The following GNAS variants were observed in gnomAD, a reference collection of about 807,000 sequenced individuals.
GNAS encodes the protein GNAS complex locus, also known as protein ALEX.
GNAS carries 8 observed loss-of-function variants against 54.5 expected under a neutral mutation model. The ratio of observed to expected loss-of-function variants is 0.15; its 90% CI spans 0.09 to 0.26. The LOEUF (loss-of-function observed/expected upper bound fraction) is 0.26, where lower values mean the gene tolerates loss of function less well. GNAS is among the 10% of genes least tolerant of loss of function. The probability of loss-of-function intolerance (pLI) is 1.00; values close to 1 mark genes in which losing one functional copy is unlikely to be tolerated. For synonymous variants in GNAS, 204 were observed against 191.4 expected (o/e 1.07, Z -0.54); for missense variants, 170 against 529.8 (o/e 0.32, Z 6.67).
chr20:58,892,029 G>C (rs2089440949), intron 1 of GNAS, 164 bp downstream of exon 1: 3 of 857,588 alleles, frequency 3.5e-6, no homozygotes, highest in Non-Finnish European at 4.2e-6. Flanking sequence ...GGGGACCCAG[G>C]GGCGCGGATT....
upstream of GNAS, among the ~76,000 whole-genome samples, chr20:58,890,223 G>A (rs9679845): frequency 0.042 from 6,355 of 151,448 alleles, 167 homozygotes; most frequent in Middle Eastern, 0.082. Context: ...GAAGGTGCCA[G>A]AAGCCCAGGA....
upstream of GNAS, chr20:58,888,956 C>T: frequency 4.4e-6 from 2 of 452,220 alleles, no homozygotes; most frequent in Non-Finnish European, 5.8e-6. Context: ...GCGCCCGCGC[C>T]CCCCGCCATC....
intron 1 of GNAS, among the ~76,000 whole-genome samples, chr20:58,865,565 G>A (rs75501060): frequency 2.7e-5 from 4 of 145,472 alleles, no homozygotes; most frequent in Non-Finnish European, 4.5e-5. Context: ...CCAGAGAAAA[G>A]TTTGTCCACT....
At chr20:58,905,927 T>A (rs999336341) in intron 6 of GNAS, among the ~76,000 whole-genome samples, 2 of 152,220 alleles carry the variant, frequency 1.3e-5, no homozygotes, top group Non-Finnish European at 2.9e-5. Context: ...TGTTGATTGA[T>A]CTATTTCTGC....
rs575623277 is a variant in GNAS at position 58,841,970 on chromosome 20, C to G, written c.43+1084C>G. The G allele has an allele frequency of 2.1e-5, 23 of 1,084,688 alleles. No individual in the cohort carries two copies. The East Asian group carries it at 7.4e-4, about 35-fold the overall frequency. The allele number at this position is 1,084,688 out of a possible 1,614,324, so 67.2% of individuals were successfully genotyped here. ...TCCAAAGAGCGCGGTACGCGCAGAG[C>G]TGGGGAAAGGTGTTGGATCCGGCGC... On this transcript the variant is annotated intron_variant, in intron 1 of 12. Coordinates refer to the GNAS transcript ENST00000306090. The surrounding 1 kb of genome is among the most constrained non-coding windows in gnomAD (Gnocchi z 5.0).
At chr20:58,858,822 A>T (rs2086629035) in intron 1 of GNAS, among the ~76,000 whole-genome samples, 1 of 151,508 alleles carries the variant, frequency 6.6e-6, no homozygotes, top group Admixed American at 6.6e-5. Flanking sequence ...ACATACAGCC[A>T]TTTTTTTATA....
In GNAS at chr20:58,841,777, G is replaced by T; in HGVS notation, c.43+891G>T. ...GGGGTATTGCCAAGCTTTTGGCGCA[G>T]CTGGTCGGGTGGCCAGGCTGCATGC... On this transcript the variant is annotated intron_variant, in intron 1 of 12. Coordinates refer to the GNAS transcript ENST00000306090. The surrounding 1 kb of genome is among the most constrained non-coding windows in gnomAD (Gnocchi z 5.0). The T allele has an allele frequency of 8.1e-7, 1 of 1,230,340 alleles. No homozygotes were observed. The highest frequency in any genetic ancestry group is 1.0e-6 in the Non-Finnish European group (1 of 987,588). 76.2% of individuals were successfully genotyped at this position (1,230,340 alleles called of 1,614,324 possible). A position where few individuals can be genotyped will look rare whatever the true frequency, so the allele number is the denominator to read the frequency against.
In GNAS at chr20:58,863,586, G is replaced by A. The variant is rs1164873142; in HGVS notation, c.43+22700G>A. On this transcript the variant is annotated intron_variant, in intron 1 of 12. Transcript: ENST00000306090. The surrounding 1 kb of genome is among the most constrained non-coding windows in gnomAD (Gnocchi z 4.1). ...CCTTTAATGAGTTGATAATGGGAAG[G>A]AAAAAAATCTCTGTACTACTTTCTA... The A allele has an allele frequency of 6.6e-6, 1 of 151,984 alleles. No homozygotes were observed. The highest frequency in any genetic ancestry group is 1.5e-5 in the Non-Finnish European group (1 of 67,974). 9.4% of individuals were successfully genotyped at this position (151,984 alleles called of 1,614,324 possible). A position where few individuals can be genotyped will look rare whatever the true frequency, so the allele number is the denominator to read the frequency against.
chr20:58,875,257 C>T (rs2087731276), intron 1 of GNAS, among the ~76,000 whole-genome samples: 1 of 152,140 alleles, frequency 6.6e-6, no homozygotes, highest in African/African-American at 2.4e-5. Context: ...GAGCACATGG[C>T]ACATCTGAAA....
At chr20:58,893,314 A>C (rs1253960296) in intron 1 of GNAS, among the ~76,000 whole-genome samples, 1 of 151,534 alleles carries the variant, frequency 6.6e-6, no homozygotes, top group Non-Finnish European at 1.5e-5. Context: ...TTTTTTTCTT[A>C]AGGTGCTGTT....
intron 1 of GNAS, chr20:58,848,775 G>C: frequency 2.5e-6 from 1 of 397,282 alleles, no homozygotes; most frequent in Non-Finnish European, 4.4e-6. Flanking sequence ...TCAGGTCCCT[G>C]TGGCCTTGCA....
Position 58,841,586 on chromosome 20 carries a change from G to A in GNAS, c.43+700G>A. 14 of 1,014,700 alleles carry A rather than the reference G, an allele frequency of 1.4e-5. No individual in the cohort carries two copies. Among genetic ancestry groups the A allele is most frequent in the Non-Finnish European group, 1.5e-5 (13 of 849,784 alleles). 62.9% of individuals were successfully genotyped at this position (1,014,700 alleles called of 1,614,324 possible). Reference sequence around the variant, plus strand: ...CGCCTCCCGTCGCTCGCGGGACAGAGACCGCCTCAAAGAGCGTGCGCACCT... The same window carrying A: ...CGCCTCCCGTCGCTCGCGGGACAGAAACCGCCTCAAAGAGCGTGCGCACCT... On this transcript the variant is annotated intron_variant, in intron 1 of 12. Coordinates refer to the GNAS transcript ENST00000306090. The surrounding 1 kb of genome is among the most constrained non-coding windows in gnomAD (Gnocchi z 5.0).
chr20:58,868,022 C>CTTTTTTTT (rs370255144), intron 1 of GNAS, among the ~76,000 whole-genome samples: 11 of 132,592 alleles, frequency 8.3e-5, no homozygotes, highest in African/African-American at 2.0e-4. Context: ...TTCTTTCTTT[C>CTTTTTTTT]TTTTTTTTTT....
intron 3 of GNAS, among the ~76,000 whole-genome samples, chr20:58,902,038 A>G (rs998523339): frequency 6.6e-6 from 1 of 152,090 alleles, no homozygotes; most frequent in Non-Finnish European, 1.5e-5. Context: ...GGGACTCTCA[A>G]AAGATTAAAA....
intron 2 of GNAS, among the ~76,000 whole-genome samples, chr20:58,896,584 A>G (rs1242823853): frequency 2.0e-5 from 3 of 151,968 alleles, no homozygotes; most frequent in Admixed American, 6.5e-5. Flanking sequence ...AAGACCCCAG[A>G]TGGGGCCTAC....
Position 58,841,378 on chromosome 20 carries a change from G to A in GNAS, c.43+492G>A, listed in dbSNP as rs1027541008. The A allele has an allele frequency of 2.2e-5, 22 of 1,016,770 alleles. 1 individual carries two copies. The Admixed American group carries it at 5.1e-4, about 24-fold the overall frequency. The allele number at this position is 1,016,770 out of a possible 1,614,324, so 63.0% of individuals were successfully genotyped here. A position where few individuals can be genotyped will look rare whatever the true frequency, so the allele number is the denominator to read the frequency against. The stretch of plus-strand genomic sequence containing the variant: ...TGTAGAGACACCGTTGAAATGTGCG[G>A]AAAGTAATCTGAATGGGAATGGGCG... On this transcript the variant is annotated intron_variant, in intron 1 of 12. Coordinates refer to the GNAS transcript ENST00000306090. This position sits in a 1 kb window ranked among gnomAD's most constrained non-coding sequence, Gnocchi z 5.0.
chr20:58,880,594 A>G (rs1361785445), intron 1 of GNAS, among the ~76,000 whole-genome samples: 1 of 152,218 alleles, frequency 6.6e-6, no homozygotes, highest in East Asian at 1.9e-4. Context: ...CAGAATTATC[A>G]GGTATTGGGA....
chr20:58,891,574 GC>G lies in GNAS; in HGVS notation c.-150del. 2.1e-6 allele frequency: 2 copies of G among 971,136 alleles called. No individual in the cohort carries two copies. The highest frequency in any genetic ancestry group is 2.4e-6 in the Non-Finnish European group (2 of 821,828). 60.2% of individuals were successfully genotyped at this position (971,136 alleles called of 1,614,324 possible). The stretch of plus-strand genomic sequence containing the variant: ...CCGTCCGCGCGCCCCGCGGCCCGCG[GC>G]CCGCAGTCCGCCCCGCGCGCTCCTT... On this transcript the variant is annotated 5_prime_UTR_variant, in exon 1 of 13. Transcript: ENST00000371085.
intron 3 of GNAS, among the ~76,000 whole-genome samples, 174 bp downstream of exon 3, chr20:58,899,159 T>C (rs964232916): frequency 5.3e-5 from 8 of 152,214 alleles, no homozygotes; most frequent in African/African-American, 1.9e-4. Flanking sequence ...TTGGAGCAAG[T>C]AAAGTGCGTA....
Sources: allele counts gnomAD v4.1 joint callset (sites outside exome capture counted in the v4.1 genomes callset), GRCh38; gene constraint gnomAD v4.1.1; non-coding constraint Gnocchi (gnomAD v3.1); transcripts MANE v1.5; gene names NCBI Gene and HGNC (gene_info 2026-07-23, HGNC 2026-07-21).